The following NBPF8 variants were observed in gnomAD, a reference collection of about 807,000 sequenced individuals.
NBPF8 encodes the protein NBPF member 8.
At chr1:120,461,401 TGTTG>T in exon 19 of NBPF8, 1 of 993,822 alleles carries the variant, frequency 1.0e-6, no homozygotes, top group South Asian at 1.3e-5. Context: ...AGCAACAGCG[TGTTG>T]GCTTGGCTGT....
intron 16 of NBPF8, among the ~76,000 whole-genome samples, chr1:120,457,769 T>A (rs2101689972): frequency 1.7e-5 from 1 of 59,780 alleles, no homozygotes; most frequent in Non-Finnish European, 3.0e-5. Context: ...ACACAAAAAA[T>A]AATAAAGGAA....
chr1:120,430,752 CAAAAAAAAA>C (rs1160946903), intron 3 of NBPF8, among the ~76,000 whole-genome samples: 1 of 41,240 alleles, frequency 2.4e-5, no homozygotes, highest in African/African-American at 9.7e-5. Flanking sequence ...GACTCTGTCT[CAAAAAAAAA>C]AAAAAAAAAA....
chr1:120,431,248 C>T (rs1660864261), intron 3 of NBPF8, among the ~76,000 whole-genome samples: 1 of 100,228 alleles, frequency 1.0e-5, no homozygotes, highest in South Asian at 2.9e-4. Flanking sequence ...CATACACACA[C>T]AAACGTGTGT....
rs1190111187 is a variant in NBPF8 at position 120,464,115 on chromosome 1, TTCTCTCTCTC to T, written n.3287-251_3287-242del. 8.1e-3 allele frequency among the ~76,000 whole-genome samples: 272 copies of T among 33,740 alleles called. 2 individuals are homozygous for T. The highest frequency in any genetic ancestry group is 0.014 in the Middle Eastern group (1 of 72). 22.1% of individuals were successfully genotyped at this position (33,740 alleles called of 152,430 possible). On this transcript the variant is annotated intron_variant and non_coding_transcript_variant, in intron 22 of 24. Transcript: ENST00000583271. ...TCACCTGGACAATTCACTGAGCTCG[TTCTCTCTCTC>T]TCTCTCTCTGTGTGTGTGTGTGTGT...
upstream of NBPF8, among the ~76,000 whole-genome samples, chr1:120,418,561 T>G (rs1401365176): frequency 6.6e-6 from 1 of 151,812 alleles, no homozygotes; most frequent in Non-Finnish European, 1.5e-5. Context: ...CAATTTTTTT[T>G]TTTTCTTGAG....
intron 22 of NBPF8, 145 bp from the exon 21 acceptor site, chr1:120,464,231 A>C (rs1661677055): frequency 1.6e-6 from 1 of 610,332 alleles, no homozygotes; most frequent in Non-Finnish European, 2.9e-6. Context: ...CTGTCCCAAC[A>C]TGAAGGCAAT....
At chr1:120,415,029 C>A (rs1553244840), upstream of NBPF8, among the ~76,000 whole-genome samples, 91 of 152,298 alleles carry the variant, frequency 6.0e-4, no homozygotes, top group African/African-American at 2.1e-3. Context: ...GCTCTCCTGA[C>A]GCGCCGAGCG....
chr1:120,428,564 T>TA (rs1477552207), intron 3 of NBPF8, among the ~76,000 whole-genome samples: 1 of 152,056 alleles, frequency 6.6e-6, no homozygotes, highest in African/African-American at 2.4e-5. Flanking sequence ...CAGGCAGGTT[T>TA]ATTGAAAAGG....
In NBPF8 at chr1:120,464,370, T is replaced by C. The variant is rs1176946244; in HGVS notation, n.3287-6T>C. 5.1e-6 allele frequency: 4 copies of C among 779,114 alleles called. No individual in the cohort carries two copies. The Admixed American group carries it at 7.0e-5, about 14-fold the overall frequency. 48.3% of individuals were successfully genotyped at this position (779,114 alleles called of 1,614,324 possible). A position where few individuals can be genotyped will look rare whatever the true frequency, so the allele number is the denominator to read the frequency against. On this transcript the variant is annotated splice_polypyrimidine_tract_variant and splice_region_variant and intron_variant and non_coding_transcript_variant, in intron 22 of 24. Transcript: ENST00000583271. ...GCGTATTCTTTACTTTTTCCTCCTT[T>C]TCCAGGCTCAGCAGGGAGCTGCTGG... is the stretch of plus-strand genomic sequence containing the variant.
intron 3 of NBPF8, among the ~76,000 whole-genome samples, chr1:120,428,190 G>A (rs1263099091): frequency 6.6e-6 from 1 of 152,088 alleles, no homozygotes; most frequent in Non-Finnish European, 1.5e-5. Context: ...GAGCAAACAG[G>A]TGGCCATGAA....
At chr1:120,425,241 G>T (rs1229215919) in intron 1 of NBPF8, among the ~76,000 whole-genome samples, 1 of 151,746 alleles carries the variant, frequency 6.6e-6, no homozygotes, top group Admixed American at 6.6e-5. Flanking sequence ...TAAGAGGAAG[G>T]CATCTGTCTC....
upstream of NBPF8, among the ~76,000 whole-genome samples, chr1:120,416,637 G>C (rs1620635): frequency 8.3e-6 from 1 of 120,852 alleles, no homozygotes; most frequent in Non-Finnish European, 1.7e-5. Flanking sequence ...AAAAGTACAG[G>C]TAATGAATTT....
rs1461053125 is a variant in NBPF8 at position 120,463,138 on chromosome 1, G to A, written n.3234+172G>A. Among the ~76,000 whole-genome samples the A allele has an allele frequency of 3.5e-3, 536 of 151,400 alleles. 6 individuals are homozygous for A. Among genetic ancestry groups the A allele is most frequent in the African/African-American group, 0.013 (521 of 41,284 alleles). ...TAGTCTCAGCTGGAAGCCTAGACATGAAATGGGTCAGTGAGCAAGGCTCTA... is the reference window on the plus strand; with the variant it reads ...TAGTCTCAGCTGGAAGCCTAGACATAAAATGGGTCAGTGAGCAAGGCTCTA... On this transcript the variant is annotated intron_variant and non_coding_transcript_variant, in intron 21 of 24. Transcript: ENST00000583271.
intron 1 of NBPF8, among the ~76,000 whole-genome samples, chr1:120,425,675 C>T (rs1660708849): frequency 6.6e-6 from 1 of 151,488 alleles, no homozygotes; most frequent in African/African-American, 2.4e-5. Flanking sequence ...TCTCTCCTTC[C>T]ACCTAATGAG....
chr1:120,467,511 G>A (rs1661769886), exon 25 of NBPF8: 1 of 92,152 alleles, frequency 1.1e-5, no homozygotes, highest in Non-Finnish European at 2.2e-5. Flanking sequence ...TAAATATCCT[G>A]TATTCTAATG....
At chr1:120,454,058 C>A (rs1478099817) in exon 15 of NBPF8, 2 of 1,613,316 alleles carry the variant, frequency 1.2e-6, no homozygotes, top group East Asian at 2.2e-5. Context: ...GTCGACTCAG[C>A]TCTCATTGGC....
At chr1:120,446,201 G>A (rs1292096736) in intron 8 of NBPF8, among the ~76,000 whole-genome samples, 2 of 150,472 alleles carry the variant, frequency 1.3e-5, no homozygotes, top group African/African-American at 4.9e-5. Context: ...GAACAGAGAT[G>A]GGAAACCCAT....
At chr1:120,434,364 C>G (rs1553247484), upstream of NBPF8, among the ~76,000 whole-genome samples, 1 of 142,590 alleles carries the variant, frequency 7.0e-6, no homozygotes, top group African/African-American at 2.6e-5. Flanking sequence ...ATTATATATA[C>G]GTGTATACAG....
upstream of NBPF8, among the ~76,000 whole-genome samples, chr1:120,434,305 G>A (rs1417569512): frequency 7.0e-5 from 10 of 142,178 alleles, no homozygotes; most frequent in Middle Eastern, 3.7e-3. Context: ...ATATATACAC[G>A]TATGTATATA....
Sources: gnomAD v4.1 joint callset for allele counts (sites outside exome capture counted in the v4.1 genomes callset) on GRCh38, gnomAD v4.1.1 for gene constraint, MANE v1.5 for transcripts, NCBI Gene and HGNC (gene_info 2026-07-23, HGNC 2026-07-21) for gene names.